Variants in LEPROTL1 observed in about 807,000 individuals in gnomAD.
LEPROTL1 encodes the protein leptin receptor overlapping transcript-like 1.
LEPROTL1 carries 6 observed loss-of-function variants against 15.4 expected under a neutral mutation model. The observed-to-expected ratio is 0.39, with a 90% confidence interval of 0.21 to 0.77. The LOEUF is 0.77. Among genes scored for constraint, LEPROTL1 ranks in the 30% least tolerant of loss-of-function variants. The pLI is 0.41. For missense variants in LEPROTL1, 128 were observed against 158.1 expected, an observed-to-expected ratio of 0.81 and a Z score of 1.02; for synonymous variants, 56 against 52.6, an observed-to-expected ratio of 1.06 and a Z score of -0.28.
chr8:30,115,276 A>C (rs1802720913), intron 3 of LEPROTL1, among the ~76,000 whole-genome samples: 1 of 151,958 alleles, frequency 6.6e-6, no homozygotes, highest in Non-Finnish European at 1.5e-5. Context: ...AGGATCACTT[A>C]AGCCCAGGAG....
downstream of LEPROTL1, among the ~76,000 whole-genome samples, chr8:30,109,724 G>A (rs1229416202): frequency 6.6e-6 from 1 of 151,994 alleles, no homozygotes; most frequent in Non-Finnish European, 1.5e-5. Flanking sequence ...AAAAAAATAA[G>A]GCAACCAAGC....
chr8:30,119,641 A>G (rs1200255801), intron 3 of LEPROTL1, among the ~76,000 whole-genome samples: 1 of 152,218 alleles, frequency 6.6e-6, no homozygotes, highest in Non-Finnish European at 1.5e-5. Flanking sequence ...TTCTCCAAAT[A>G]TAGTCACATT....
chr8:30,137,168 G>C (rs1803166016), intron 4 of LEPROTL1: 1 of 879,248 alleles, frequency 1.1e-6, no homozygotes, highest in South Asian at 1.6e-5. Context: ...AGGAACATGA[G>C]ATCTCCAGAT....
chr8:30,108,880 T>C (rs1487492883), downstream of LEPROTL1, among the ~76,000 whole-genome samples: 1 of 152,002 alleles, frequency 6.6e-6, no homozygotes, highest in African/African-American at 2.4e-5. Context: ...GCCCTGCCGC[T>C]CAGCCTTCTG....
intron 1 of LEPROTL1, chr8:30,095,775 T>C (rs1802351510): frequency 1.4e-6 from 1 of 699,978 alleles, no homozygotes; most frequent in African/African-American, 1.8e-5. Flanking sequence ...CGGCAGCCTC[T>C]CTCCCACCCA....
chr8:30,096,449 G>C, intron 1 of LEPROTL1: 1 of 954,100 alleles, frequency 1.0e-6, no homozygotes, highest in Non-Finnish European at 1.2e-6. Context: ...GGTTTTCTTT[G>C]TATTTTTTCT....
chr8:30,114,546 C>T (rs1208407129), intron 3 of LEPROTL1, among the ~76,000 whole-genome samples: 1 of 152,138 alleles, frequency 6.6e-6, no homozygotes. Context: ...CTGCCTCAGC[C>T]TCCCAAAGTG....
At chr8:30,127,252 A>G (rs1292097644) in intron 3 of LEPROTL1, among the ~76,000 whole-genome samples, 3 of 152,136 alleles carry the variant, frequency 2.0e-5, no homozygotes, top group Admixed American at 1.3e-4. Flanking sequence ...GGCTTAGCTT[A>G]CCCTCCTCTT....
chr8:30,133,148 C>T (rs926786993), intron 4 of LEPROTL1, among the ~76,000 whole-genome samples: 16 of 152,242 alleles, frequency 1.1e-4, no homozygotes, highest in Non-Finnish European at 2.2e-4. Flanking sequence ...AACTCCTGGG[C>T]TTAAGCAATC....
chr8:30,117,970 T>C (rs1351711904), intron 3 of LEPROTL1, among the ~76,000 whole-genome samples: 1 of 151,716 alleles, frequency 6.6e-6, no homozygotes, highest in Non-Finnish European at 1.5e-5. Context: ...TAGAAATTAG[T>C]ATGAATCTAC....
chr8:30,104,499 A>T lies in LEPROTL1; in HGVS notation c.279+13A>T. The T allele has an allele frequency of 2.0e-6, 3 of 1,525,496 alleles. No individual in the cohort carries two copies. The highest frequency in any genetic ancestry group is 2.7e-6 in the Non-Finnish European group (3 of 1,130,666). 94.5% of individuals were successfully genotyped at this position (1,525,496 alleles called of 1,614,324 possible). A position where few individuals can be genotyped will look rare whatever the true frequency, so the allele number is the denominator to read the frequency against. On this transcript the variant is annotated intron_variant, in intron 3 of 3. Coordinates refer to ENST00000321250, the MANE Select transcript of LEPROTL1 (RefSeq NM_015344.3). ...CAGAGCACATCTGGTAAGTGAATAT[A>T]TTCTTCCATTAATGATTTTATATTG... is the stretch of plus-strand genomic sequence containing the variant.
chr8:30,097,572 C>T (rs1052437687), intron 1 of LEPROTL1, among the ~76,000 whole-genome samples: 2 of 151,124 alleles, frequency 1.3e-5, no homozygotes, highest in Non-Finnish European at 2.9e-5. Context: ...ACTCAGGAGG[C>T]TGAGGCAGGG....
At chr8:30,102,150 A>G (rs1585462591) in intron 2 of LEPROTL1, among the ~76,000 whole-genome samples, 177 bp downstream of exon 2, 1 of 152,246 alleles carries the variant, frequency 6.6e-6, no homozygotes, top group South Asian at 2.1e-4. Context: ...TAGGACACCA[A>G]GATGCAAATA....
chr8:30,134,896 C>G (rs901446445), intron 4 of LEPROTL1, among the ~76,000 whole-genome samples: 2 of 148,250 alleles, frequency 1.3e-5, no homozygotes, highest in African/African-American at 5.0e-5. Flanking sequence ...TTTGTTTTTC[C>G]TGAGACACGG....
chr8:30,114,547 T>C (rs1287347694), intron 3 of LEPROTL1, among the ~76,000 whole-genome samples: 4 of 152,148 alleles, frequency 2.6e-5, no homozygotes, highest in African/African-American at 9.7e-5. Context: ...TGCCTCAGCC[T>C]CCCAAAGTGT....
chr8:30,132,819 T>C lies in LEPROTL1; in HGVS notation c.394+330T>C, dbSNP rs1803056553. The C allele has an allele frequency of 3.9e-6, 6 of 1,551,640 alleles. No individual in the cohort carries two copies. In the South Asian group the frequency reaches 7.1e-5, roughly 18 times the overall value. The stretch of plus-strand genomic sequence containing the variant: ...TCCTGCTCCTGAAGCCTCCAGATGC[T>C]GCCTTCACTTTCCCCTCACAAATGT... On this transcript the variant is annotated intron_variant, in intron 4 of 4. Transcript: ENST00000442880.
chr8:30,097,244 T>A lies in LEPROTL1; in HGVS notation c.16+1716T>A, dbSNP rs62499792. On this transcript the variant is annotated intron_variant, in intron 1 of 3. Coordinates refer to ENST00000321250, the MANE Select transcript of LEPROTL1 (RefSeq NM_015344.3). ...ATATATAAATCTTCCTAGTTGCCAA[T>A]TTCATAAGATTGAAGAAACTGCAAG... Among the ~76,000 whole-genome samples, 1,322 of 152,338 alleles carry A rather than the reference T, an allele frequency of 8.7e-3. 15 individuals are homozygous for A. Among genetic ancestry groups the A allele is most frequent in the Non-Finnish European group, 0.013 (871 of 68,030 alleles).
chr8:30,135,248 A>G (rs1803116147), intron 4 of LEPROTL1, among the ~76,000 whole-genome samples: 1 of 152,178 alleles, frequency 6.6e-6, no homozygotes, highest in Non-Finnish European at 1.5e-5. Context: ...GACATCAGGC[A>G]GGATCATGTA....
intron 1 of LEPROTL1, among the ~76,000 whole-genome samples, chr8:30,098,453 T>C (rs576248066): frequency 2.6e-5 from 4 of 152,340 alleles, no homozygotes; most frequent in African/African-American, 7.2e-5. Flanking sequence ...CTTTAGTATA[T>C]GGGCTTTGTA....
Sources: gnomAD v4.1 joint callset for allele counts (sites outside exome capture counted in the v4.1 genomes callset) on GRCh38, gnomAD v4.1.1 for gene constraint, MANE v1.5 for transcripts, NCBI Gene and HGNC (gene_info 2026-07-23, HGNC 2026-07-21) for gene names.